Variants in CRISPLD2 observed in about 807,000 individuals in gnomAD.
CRISPLD2 encodes the protein cysteine rich secretory protein LCCL domain containing 2, also known as cysteine-rich secretory protein LCCL domain-containing 2.
Under a neutral mutation model 71.1 loss-of-function variants are expected in CRISPLD2, and 47 were observed. That is an observed-to-expected ratio of 0.66 (90% CI 0.52 to 0.84). The LOEUF is 0.84. Among genes scored for constraint, CRISPLD2 ranks in the 40% least tolerant of loss-of-function variants. The pLI, the probability that CRISPLD2 is intolerant of heterozygous loss-of-function variation, is 0.00. For missense variants in CRISPLD2, 830 were observed against 651.1 expected (o/e 1.27, Z -2.99); for synonymous variants, 317 against 250.1 (o/e 1.27, Z -2.52).
intron 2 of CRISPLD2, chr16:84,839,115 A>C (rs915687746): frequency 5.4e-6 from 2 of 369,104 alleles, no homozygotes; most frequent in South Asian, 2.1e-5. Context: ...TTGAACTCCT[A>C]GGCTCAAGCA....
At chr16:84,868,776 C>A in intron 7 of CRISPLD2, 75 bp from the exon 8 acceptor site, 1 of 1,152,586 alleles carries the variant, frequency 8.7e-7, no homozygotes, top group Non-Finnish European at 1.3e-6. Context: ...TCCAGAATGT[C>A]CCTCAGCATG....
In CRISPLD2 at chr16:84,906,970, G is replaced by A; in HGVS notation, c.*328G>A. 1 of 346,888 alleles carries A rather than the reference G, an allele frequency of 2.9e-6. No homozygotes were observed. Among genetic ancestry groups the A allele is most frequent in the East Asian group, 6.7e-5 (1 of 14,974 alleles). The allele number at this position is 346,888 out of a possible 1,614,324, so 21.5% of individuals were successfully genotyped here. On this transcript the variant is annotated 3_prime_UTR_variant, in exon 15 of 15. Transcript: ENST00000262424. ...AATGTTCCTTGCTATGTGTTCTTCT[G>A]TTGGTGGAGGAAGTTGATTTCAACC...
At chr16:84,822,295 C>T (rs913909976) in intron 1 of CRISPLD2, among the ~76,000 whole-genome samples, 1 of 152,246 alleles carries the variant, frequency 6.6e-6, no homozygotes, top group African/African-American at 2.4e-5. Context: ...ACTGCGAGGT[C>T]TCTTAAAACC....
At chr16:84,902,169 A>C (rs902632682) in intron 14 of CRISPLD2, among the ~76,000 whole-genome samples, 2 of 152,142 alleles carry the variant, frequency 1.3e-5, no homozygotes, top group Admixed American at 1.3e-4. Context: ...CAAAATTCCA[A>C]CAAATGCGAG....
chr16:84,900,948 G>T (rs1374309436), intron 14 of CRISPLD2, among the ~76,000 whole-genome samples: 1 of 151,262 alleles, frequency 6.6e-6, no homozygotes. Flanking sequence ...TACTGGTGAG[G>T]CTGAGGTGGG....
intron 6 of CRISPLD2, among the ~76,000 whole-genome samples, chr16:84,861,557 C>T (rs1325223583): frequency 2.0e-5 from 3 of 152,204 alleles, no homozygotes; most frequent in Non-Finnish European, 4.4e-5. Context: ...TATATCCTAG[C>T]TGCTATGGCA....
intron 1 of CRISPLD2, among the ~76,000 whole-genome samples, chr16:84,831,019 AT>A (rs1031054971): frequency 6.6e-6 from 1 of 152,094 alleles, no homozygotes; most frequent in African/African-American, 2.4e-5. Context: ...GTGGTGAACG[AT>A]TTACCATCCC....
At chr16:84,889,602 T>C (rs893377371) in intron 14 of CRISPLD2, among the ~76,000 whole-genome samples, 11 of 152,114 alleles carry the variant, frequency 7.2e-5, no homozygotes, top group African/African-American at 2.7e-4. Flanking sequence ...AAAAGAACTT[T>C]TTTTCCTATT....
At chr16:84,876,195 T>C (rs1337465880) in intron 11 of CRISPLD2, among the ~76,000 whole-genome samples, 3 of 152,214 alleles carry the variant, frequency 2.0e-5, no homozygotes, top group African/African-American at 7.2e-5. Flanking sequence ...GTTTGCTCTA[T>C]GGTCCTTTAA....
chr16:84,848,199 C>T (rs60284268), intron 3 of CRISPLD2, among the ~76,000 whole-genome samples: 41,762 of 152,102 alleles, frequency 0.27, 6,341 homozygotes, highest in South Asian at 0.36. Flanking sequence ...CGCAGGGAAG[C>T]GGATGAGTGG....
At chr16:84,843,159 C>T (rs1179608690) in intron 2 of CRISPLD2, among the ~76,000 whole-genome samples, 1 of 152,144 alleles carries the variant, frequency 6.6e-6, no homozygotes, top group Non-Finnish European at 1.5e-5. Context: ...AAAAGGCCGG[C>T]CTGCTGGGGA....
intron 14 of CRISPLD2, among the ~76,000 whole-genome samples, chr16:84,906,080 C>G (rs1032580897): frequency 2.0e-5 from 3 of 152,126 alleles, no homozygotes; most frequent in Non-Finnish European, 4.4e-5. Context: ...GCAGTTTTTA[C>G]TAGCCATGGG....
intron 2 of CRISPLD2, among the ~76,000 whole-genome samples, chr16:84,840,938 G>C (rs758549763): frequency 2.0e-5 from 3 of 152,132 alleles, no homozygotes; most frequent in Non-Finnish European, 2.9e-5. Context: ...GTATTTTTGA[G>C]TGCCTCCCGT....
At chr16:84,849,361 G>A in intron 3 of CRISPLD2, 24 bp from the exon 4 acceptor site, 1 of 1,605,896 alleles carries the variant, frequency 6.2e-7, no homozygotes, top group Non-Finnish European at 8.5e-7. Context: ...GGCTGGGACT[G>A]AGTGAGCGGT....
intron 1 of CRISPLD2, among the ~76,000 whole-genome samples, chr16:84,828,801 G>A (rs978827108): frequency 1.3e-5 from 2 of 151,068 alleles, no homozygotes; most frequent in African/African-American, 4.9e-5. Flanking sequence ...TTTTCTTTTT[G>A]TCCAGAATTT....
At chr16:84,873,317 A>G (rs2071488441) in intron 10 of CRISPLD2, 195 bp downstream of exon 10, 1 of 485,202 alleles carries the variant, frequency 2.1e-6, no homozygotes, top group African/African-American at 2.1e-5. Flanking sequence ...GTCTCTACTA[A>G]AAATACAAAA....
At position 84,838,411 on chromosome 16, in the gene CRISPLD2, C is replaced by T; in HGVS notation, c.-74-11C>T. ...ATGCGACTTCTCCCACCACCCTCTG[C>T]TTCCTTTCAGAGCTCAAGCGCCCAG... On this transcript the variant is annotated splice_polypyrimidine_tract_variant and intron_variant, in intron 1 of 14. Transcript: ENST00000262424. 2.0e-6 allele frequency: 3 copies of T among 1,527,096 alleles called. No individual in the cohort carries two copies. The highest frequency in any genetic ancestry group is 1.4e-5 in the African/African-American group (1 of 72,868). 94.6% of individuals were successfully genotyped at this position (1,527,096 alleles called of 1,614,324 possible).
intron 6 of CRISPLD2, among the ~76,000 whole-genome samples, chr16:84,856,301 G>T (rs1917239351): frequency 6.6e-6 from 1 of 152,186 alleles, no homozygotes; most frequent in Non-Finnish European, 1.5e-5. Flanking sequence ...TACCTCCACT[G>T]TGGAGCGGTA....
chr16:84,858,712 C>CTAAG (rs1917306061), intron 6 of CRISPLD2, among the ~76,000 whole-genome samples: 1 of 152,190 alleles, frequency 6.6e-6, no homozygotes, highest in African/African-American at 2.4e-5. Flanking sequence ...TTGATATACC[C>CTAAG]CTGAGCTTAG....
Sources: gnomAD v4.1 joint callset for allele counts (sites outside exome capture counted in the v4.1 genomes callset) on GRCh38, gnomAD v4.1.1 for gene constraint, MANE v1.5 for transcripts, NCBI Gene and HGNC (gene_info 2026-07-23, HGNC 2026-07-21) for gene names.